BMP6: variants seen among roughly 807,000 people sequenced by gnomAD.
BMP6 encodes the protein VG-1-R.
BMP6 carries 17 observed loss-of-function variants against 54.1 expected under a neutral mutation model. The observed-to-expected ratio is 0.31, with a 90% confidence interval of 0.22 to 0.47. The LOEUF is 0.47. Ranked by LOEUF, BMP6 falls within the 20% of genes least tolerant of loss-of-function variation. BMP6 has a pLI of 1.00. For synonymous variants in BMP6, 328 were observed against 291.2 expected (o/e 1.13, Z -1.28); for missense variants, 720 against 690.4 (o/e 1.04, Z -0.48).
chr6:7,801,128 C>G (rs1012695697), intron 1 of BMP6, among the ~76,000 whole-genome samples: 21 of 152,210 alleles, frequency 1.4e-4, no homozygotes, highest in Non-Finnish European at 2.8e-4. Context: ...TTGATGCTCT[C>G]TCCTGCACAA....
intron 1 of BMP6, among the ~76,000 whole-genome samples, chr6:7,735,423 ATC>A (rs1405656428): frequency 3.3e-5 from 5 of 152,190 alleles, no homozygotes; most frequent in Non-Finnish European, 7.3e-5. Context: ...CTCCTTTTGA[ATC>A]TATGAATTAC....
intron 1 of BMP6, among the ~76,000 whole-genome samples, chr6:7,794,369 G>A (rs1758161292): frequency 6.6e-6 from 1 of 152,102 alleles, no homozygotes; most frequent in South Asian, 2.1e-4. Context: ...TTTGGGAGAG[G>A]CCAAGGCAGG....
At chr6:7,860,487 T>C (rs1759316911) in intron 2 of BMP6, among the ~76,000 whole-genome samples, 1 of 152,166 alleles carries the variant, frequency 6.6e-6, no homozygotes, top group Non-Finnish European at 1.5e-5. Flanking sequence ...GGCACTGACC[T>C]ATCATAAAAT....
At chr6:7,735,930 C>A (rs1761948922) in intron 1 of BMP6, among the ~76,000 whole-genome samples, 1 of 152,128 alleles carries the variant, frequency 6.6e-6, no homozygotes, top group South Asian at 2.1e-4. Flanking sequence ...AAAAACAAGT[C>A]AATGAAAGTA....
chr6:7,782,627 C>T (rs114863294), intron 1 of BMP6, among the ~76,000 whole-genome samples: 2,962 of 152,092 alleles, frequency 0.019, 58 homozygotes, highest in African/African-American at 0.046. Flanking sequence ...TTGCTTGAAC[C>T]GGGAGGCAGA....
Position 7,881,347 on chromosome 6 carries a change from A to G in BMP6, c.*1004A>G, listed in dbSNP as rs1446429206. On this transcript the variant is annotated 3_prime_UTR_variant, in exon 7 of 7. Transcript: ENST00000283147. Reference sequence around the variant, plus strand: ...GATTAAATTTTAGAATATTTTCTAAATGTCTTTTTCACAATCATGTACTGG... The same window carrying G: ...GATTAAATTTTAGAATATTTTCTAAGTGTCTTTTTCACAATCATGTACTGG... 6.6e-6 allele frequency: 1 copy of G among 152,656 alleles called. No individual in the cohort carries two copies. Among genetic ancestry groups the G allele is most frequent in the Non-Finnish European group, 1.5e-5 (1 of 68,042 alleles). 9.5% of individuals were successfully genotyped at this position (152,656 alleles called of 1,614,324 possible). A position where few individuals can be genotyped will look rare whatever the true frequency, so the allele number is the denominator to read the frequency against.
At chr6:7,758,005 C>G (rs148104487) in intron 1 of BMP6, among the ~76,000 whole-genome samples, 37 of 152,366 alleles carry the variant, frequency 2.4e-4, no homozygotes, top group African/African-American at 7.9e-4. Flanking sequence ...ATTATCTTCA[C>G]AAGTTTCCTT....
chr6:7,785,473 G>A (rs955458210), intron 1 of BMP6, among the ~76,000 whole-genome samples: 3 of 152,186 alleles, frequency 2.0e-5, no homozygotes, highest in Admixed American at 6.5e-5. Flanking sequence ...TTAATGTCAA[G>A]CCTGTCATTT....
chr6:7,792,221 G>A (rs1213641425), intron 1 of BMP6, among the ~76,000 whole-genome samples: 1 of 152,014 alleles, frequency 6.6e-6, no homozygotes, highest in Non-Finnish European at 1.5e-5. Flanking sequence ...CCTTCAACTG[G>A]GTGGATAACA....
At chr6:7,769,485 T>G (rs374099942) in intron 1 of BMP6, among the ~76,000 whole-genome samples, 29 of 152,192 alleles carry the variant, frequency 1.9e-4, no homozygotes, top group African/African-American at 6.8e-4. Context: ...AGGGGTCGAG[T>G]TCTGCACAGG....
intron 1 of BMP6, among the ~76,000 whole-genome samples, chr6:7,738,943 G>A (rs1762001784): frequency 6.6e-6 from 1 of 152,046 alleles, no homozygotes; most frequent in African/African-American, 2.4e-5. Flanking sequence ...TTTCTCTTAC[G>A]GGCTTTGTAC....
chr6:7,766,694 T>C (rs1757695799), intron 1 of BMP6, among the ~76,000 whole-genome samples: 1 of 152,220 alleles, frequency 6.6e-6, no homozygotes. Flanking sequence ...TCCTTGCTCC[T>C]AAGTGTAGAC....
chr6:7,787,974 A>G (rs774211053), intron 1 of BMP6, among the ~76,000 whole-genome samples: 2 of 152,096 alleles, frequency 1.3e-5, no homozygotes, highest in Non-Finnish European at 2.9e-5. Flanking sequence ...AACGCAAGTC[A>G]TTTTGATGAA....
chr6:7,858,595 C>T (rs764108910), intron 2 of BMP6, among the ~76,000 whole-genome samples: 32 of 151,930 alleles, frequency 2.1e-4, no homozygotes, highest in Admixed American at 3.9e-4. Flanking sequence ...GATTAAATTC[C>T]ATTTGCCCCA....
intron 1 of BMP6, among the ~76,000 whole-genome samples, chr6:7,741,576 C>T (rs192761959): frequency 1.3e-3 from 185 of 139,436 alleles, no homozygotes; most frequent in African/African-American, 4.5e-3. Flanking sequence ...GACTACTAGG[C>T]GTGTACCACC....
At chr6:7,778,115 G>A (rs533870300) in intron 1 of BMP6, among the ~76,000 whole-genome samples, 14 of 152,196 alleles carry the variant, frequency 9.2e-5, no homozygotes, top group African/African-American at 3.4e-4. Context: ...ACTGACTGTC[G>A]GCGACCATCA....
intron 1 of BMP6, among the ~76,000 whole-genome samples, chr6:7,840,949 G>A (rs751070476): frequency 1.3e-4 from 20 of 152,112 alleles, no homozygotes; most frequent in South Asian, 2.1e-4. Flanking sequence ...GGGAGCAGCC[G>A]TCAGTCCTAT....
intron 1 of BMP6, among the ~76,000 whole-genome samples, chr6:7,802,265 T>C (rs1758279946): frequency 6.6e-6 from 1 of 152,232 alleles, no homozygotes; most frequent in African/African-American, 2.4e-5. Flanking sequence ...CGGAGCCCAA[T>C]GGGAAGAGTG....
chr6:7,783,250 A>G (rs1165838468), intron 1 of BMP6, among the ~76,000 whole-genome samples: 1 of 152,236 alleles, frequency 6.6e-6, no homozygotes, highest in East Asian at 1.9e-4. Flanking sequence ...CTCACTCTCC[A>G]GGAGAGAGAA....
Sources: gnomAD v4.1 joint callset for allele counts (sites outside exome capture counted in the v4.1 genomes callset) on GRCh38, gnomAD v4.1.1 for gene constraint, MANE v1.5 for transcripts, NCBI Gene and HGNC (gene_info 2026-07-23, HGNC 2026-07-21) for gene names.